Variants in SYNE1 observed in about 807,000 individuals in gnomAD.
SYNE1 encodes the protein spectrin repeat containing nuclear envelope protein 1.
SYNE1 carries 616 observed loss-of-function variants against 1,111.0 expected under a neutral mutation model. The ratio of observed to expected loss-of-function variants is 0.55; its 90% CI spans 0.52 to 0.59. The LOEUF is 0.59. Ranked by LOEUF, SYNE1 falls within the 20% of genes least tolerant of loss-of-function variation. SYNE1 has a pLI of 0.00. For synonymous variants in SYNE1, 3,855 were observed against 3,825.8 expected, an observed-to-expected ratio of 1.01 and a Z score of -0.28; for missense variants, 10,006 against 10,417.0, an observed-to-expected ratio of 0.96 and a Z score of 1.72.
chr6:152,351,898 G>T, intron 70 of SYNE1, 129 bp downstream of exon 70: 2 of 814,856 alleles, frequency 2.5e-6, no homozygotes, highest in Non-Finnish European at 4.1e-6. Context: ...TCACTGGTCA[G>T]CTGCAGAACG....
chr6:152,167,964 G>A lies in SYNE1; in HGVS notation c.23628-3639C>T, dbSNP rs2064061535. 6.4e-6 allele frequency: 5 copies of A among 776,932 alleles called. No homozygotes were observed. In the East Asian group the frequency reaches 1.2e-4, roughly 19 times the overall value. The allele number at this position is 776,932 out of a possible 1,614,324, so 48.1% of individuals were successfully genotyped here. A position where few individuals can be genotyped will look rare whatever the true frequency, so the allele number is the denominator to read the frequency against. ...ACAAACCAACGAATAACTCTTGGGA[G>A]TCCACATGGCCAGCTATCTCCCAAC... On this transcript the variant is annotated intron_variant, in intron 130 of 145. Coordinates refer to ENST00000367255, the MANE Select transcript of SYNE1 (RefSeq NM_182961.4).
chr6:152,346,828 C>CA (rs1220751783), intron 73 of SYNE1, among the ~76,000 whole-genome samples: 1 of 151,972 alleles, frequency 6.6e-6, no homozygotes, highest in African/African-American at 2.4e-5. Context: ...CAAAACAAAA[C>CA]AAAAAAACCA....
chr6:152,576,795 G>T (rs1313193057), intron 3 of SYNE1, among the ~76,000 whole-genome samples: 4 of 152,180 alleles, frequency 2.6e-5, no homozygotes, highest in African/African-American at 9.7e-5. Flanking sequence ...GTGCTTCCCT[G>T]AGTGTAATCA....
In SYNE1 at chr6:152,256,654, A is replaced by T. The variant is rs2090937224; in HGVS notation, c.19084T>A (p.Phe6362Ile). 1.2e-6 allele frequency: 2 copies of T among 1,613,824 alleles called. No individual in the cohort carries two copies. Among genetic ancestry groups the T allele is most frequent in the African/African-American group, 1.3e-5 (1 of 75,022 alleles). ...CTTACCTGGGATGAAACCTCCTCGA[A>T]GGCTTGGTTCAGTCCATCCAGCAAA... is the stretch of plus-strand genomic sequence containing the variant. ...TSLLDGLNQA[F>I]EEVSSQSGGA... Residue 6362 changes from phenylalanine (F) to isoleucine (I), a missense_variant, in exon 102 of 146, where the codon TTC becomes ATC. By Grantham distance (21) the Phe-to-Ile change is conservative. Around this residue, in one of 7 missense-constraint regions of SYNE1, gnomAD observed 2,182 missense variants for 2,287.8 expected, o/e 0.95. Transcript: ENST00000367255.
At chr6:152,427,859 C>G in intron 37 of SYNE1, 43 bp from the exon 38 acceptor site, 1 of 1,613,180 alleles carries the variant, frequency 6.2e-7, no homozygotes, top group Non-Finnish European at 8.5e-7. Context: ...TGAAAATTAT[C>G]ATGCTAGCAG....
intron 130 of SYNE1, among the ~76,000 whole-genome samples, chr6:152,165,343 T>C (rs1333677260): frequency 1.3e-5 from 2 of 152,210 alleles, no homozygotes; most frequent in African/African-American, 2.4e-5. Context: ...TCAATGTGTC[T>C]CTCTCAAGTG....
chr6:152,461,867 G>A (rs962946883), intron 20 of SYNE1, 127 bp from the exon 21 acceptor site: 26 of 1,207,188 alleles, frequency 2.2e-5, no homozygotes, highest in Non-Finnish European at 2.5e-5. Flanking sequence ...CTAAACTTTC[G>A]ACGATTCCAG....
intron 23 of SYNE1, 98 bp downstream of exon 23, chr6:152,455,788 A>G (rs2098691818): frequency 1.3e-6 from 2 of 1,531,442 alleles, no homozygotes; most frequent in Non-Finnish European, 1.8e-6. Flanking sequence ...ACCAGCAGGT[A>G]AGGCGTTTTA....
intron 64 of SYNE1, among the ~76,000 whole-genome samples, chr6:152,360,927 GA>G (rs2096920850): frequency 6.6e-6 from 1 of 152,126 alleles, no homozygotes; most frequent in Non-Finnish European, 1.5e-5. Context: ...AGGATATAAA[GA>G]AAATTAAGCA....
intron 3 of SYNE1, among the ~76,000 whole-genome samples, chr6:152,587,154 T>C (rs996648411): frequency 1.4e-5 from 2 of 142,428 alleles, no homozygotes; most frequent in African/African-American, 5.0e-5. Flanking sequence ...TCACTATTAT[T>C]TGACAGATAG....
At chr6:152,211,935 G>T (rs925810392) in intron 123 of SYNE1, among the ~76,000 whole-genome samples, 1 of 151,900 alleles carries the variant, frequency 6.6e-6, no homozygotes. Context: ...AAAACTTAGA[G>T]AATAGCTTAG....
chr6:152,308,730 G>T, intron 90 of SYNE1, 98 bp from the exon 91 acceptor site: 1 of 1,324,700 alleles, frequency 7.5e-7, no homozygotes, highest in Non-Finnish European at 1.0e-6. Flanking sequence ...TACCTGTACA[G>T]GTAGGGAATA....
intron 130 of SYNE1, among the ~76,000 whole-genome samples, chr6:152,173,617 C>T (rs944908772): frequency 6.6e-6 from 1 of 152,116 alleles, no homozygotes; most frequent in African/African-American, 2.4e-5. Context: ...ATGTGACAGC[C>T]GGGTGTCTTT....
intron 3 of SYNE1, among the ~76,000 whole-genome samples, chr6:152,579,667 T>C (rs7756114): frequency 0.27 from 41,542 of 152,068 alleles, 7,659 homozygotes; most frequent in African/African-American, 0.52. Context: ...CCTCACCCTC[T>C]TCCTATCCTC....
chr6:152,575,300 C>T (rs1165069826), intron 3 of SYNE1, among the ~76,000 whole-genome samples: 2 of 152,158 alleles, frequency 1.3e-5, no homozygotes, highest in Non-Finnish European at 1.5e-5. Context: ...AATTACATGC[C>T]TCTAGATTTG....
At chr6:152,635,763 A>G (rs943791852) in intron 2 of SYNE1, among the ~76,000 whole-genome samples, 1 of 152,222 alleles carries the variant, frequency 6.6e-6, no homozygotes, top group African/African-American at 2.4e-5. Flanking sequence ...TTTCAGATAC[A>G]AGTTTTCCAC....
chr6:152,368,508 A>C (rs2097123884), intron 61 of SYNE1: 1 of 162,578 alleles, frequency 6.2e-6, no homozygotes, highest in Admixed American at 5.8e-5. Context: ...GATTCAGATG[A>C]ATTTTTTAAA....
Position 152,122,392 on chromosome 6 carries a change from C to A in SYNE1, c.*44G>T. The A allele has an allele frequency of 6.2e-7, 1 of 1,613,606 alleles. No homozygotes were observed. The highest frequency in any genetic ancestry group is 8.5e-7 in the Non-Finnish European group (1 of 1,180,038). The stretch of plus-strand genomic sequence containing the variant: ...AGTTTGGGATTGCTTATGACCCGAT[C>A]CTCCTTATGCTACCAGCACTTCTGC... On this transcript the variant is annotated 3_prime_UTR_variant, in exon 146 of 146. Transcript: ENST00000367255.
chr6:152,138,723 A>G (rs1469688217), intron 140 of SYNE1, among the ~76,000 whole-genome samples: 2 of 152,082 alleles, frequency 1.3e-5, no homozygotes, highest in African/African-American at 4.8e-5. Context: ...GCACATCTTA[A>G]TACTGTCCAA....
Sources: gnomAD v4.1 joint callset for allele counts (sites outside exome capture counted in the v4.1 genomes callset) on GRCh38, gnomAD v4.1.1 for gene constraint, gnomAD v4.1.1 regional missense constraint, MANE v1.5 for transcripts, NCBI Gene and HGNC (gene_info 2026-07-23, HGNC 2026-07-21) for gene names.